RAPGEF2: variants seen among roughly 807,000 people sequenced by gnomAD.
RAPGEF2 encodes PDZ domain containing guanine nucleotide exchange factor (GEF) 1.
In RAPGEF2, 54 loss-of-function variants were observed where a neutral mutation model predicts 186.7. The ratio of observed to expected loss-of-function variants is 0.29; its 90% CI spans 0.23 to 0.36. The LOEUF is 0.36. RAPGEF2 is among the 10% of genes least tolerant of loss of function. The pLI is 1.00. For missense variants in RAPGEF2, 1,532 were observed against 2,045.0 expected (o/e 0.75, Z 4.84); for synonymous variants, 712 against 705.9 (o/e 1.01, Z -0.14).
chr4:159,179,306 T>C (rs1746780367), intron 1 of RAPGEF2, among the ~76,000 whole-genome samples: 1 of 149,846 alleles, frequency 6.7e-6, no homozygotes. Flanking sequence ...TTGTGTGTCA[T>C]AGTTTTTTGA....
At chr4:159,104,428 G>A (rs1227126577) in intron 1 of RAPGEF2, among the ~76,000 whole-genome samples, 197 bp downstream of exon 1, 1 of 148,002 alleles carries the variant, frequency 6.8e-6, no homozygotes. Context: ...CCCTCTCCTT[G>A]ACATTCTGCT....
chr4:159,103,110 A>C lies in RAPGEF2; in HGVS notation c.-1053A>C, dbSNP rs1292369691. The C allele has an allele frequency of 6.6e-6, 1 of 152,518 alleles. No individual in the cohort carries two copies. Among genetic ancestry groups the C allele is most frequent in the Non-Finnish European group, 1.5e-5 (1 of 68,594 alleles). 9.4% of individuals were successfully genotyped at this position (152,518 alleles called of 1,614,324 possible). A position where few individuals can be genotyped will look rare whatever the true frequency, so the allele number is the denominator to read the frequency against. ...CGGCTCCGGCGGCCGGAGAAGGCGC[A>C]GGAGGAGGAAGAGGCGGAGGAAGAG... On this transcript the variant is annotated 5_prime_UTR_variant, in exon 1 of 30. Transcript: ENST00000691494.
At chr4:159,178,804 C>T (rs1746726558) in intron 1 of RAPGEF2, among the ~76,000 whole-genome samples, 1 of 152,088 alleles carries the variant, frequency 6.6e-6, no homozygotes, top group Non-Finnish European at 1.5e-5. Context: ...GGCAATTCAC[C>T]CGCCTCGGCT....
intron 11 of RAPGEF2, among the ~76,000 whole-genome samples, chr4:159,325,108 C>G (rs1443692338): frequency 2.0e-5 from 3 of 151,876 alleles, no homozygotes; most frequent in African/African-American, 7.3e-5. Flanking sequence ...ATGACCATGG[C>G]TATACATAAA....
At chr4:159,279,049 C>G (rs1759320216) in intron 7 of RAPGEF2, among the ~76,000 whole-genome samples, 1 of 152,148 alleles carries the variant, frequency 6.6e-6, no homozygotes, top group Non-Finnish European at 1.5e-5. Flanking sequence ...CAGCAACCTT[C>G]TTTTTACTAG....
intron 4 of RAPGEF2, among the ~76,000 whole-genome samples, chr4:159,234,733 A>G (rs1361417370): frequency 2.7e-5 from 4 of 150,060 alleles, no homozygotes; most frequent in Non-Finnish European, 5.9e-5. Flanking sequence ...AAGTGGGGGG[A>G]TTATAGGCAT....
intron 6 of RAPGEF2, among the ~76,000 whole-genome samples, chr4:159,243,449 T>C (rs912417148): frequency 2.6e-5 from 4 of 152,002 alleles, no homozygotes; most frequent in Non-Finnish European, 5.9e-5. Flanking sequence ...AATTATTCTT[T>C]ATTACCCCTA....
At chr4:159,170,409 TAAAC>T (rs1373701176) in intron 1 of RAPGEF2, among the ~76,000 whole-genome samples, 6 of 152,028 alleles carry the variant, frequency 3.9e-5, no homozygotes, top group African/African-American at 1.2e-4. Flanking sequence ...AAAAAACCAA[TAAAC>T]AAACAATACA....
rs774383970 is a variant in RAPGEF2, at chr4:159,134,640, C to T, written c.69+30409C>T. On this transcript the variant is annotated intron_variant, in intron 1 of 29. Transcript: ENST00000691494. ...TTCTGCATCCTCGTCAGCACTTACACGTGTCAGTTTTATTTTGTAAGTCAT... is the reference window on the plus strand; with the variant it reads ...TTCTGCATCCTCGTCAGCACTTACATGTGTCAGTTTTATTTTGTAAGTCAT... Among the ~76,000 whole-genome samples, 9 of 152,294 alleles carry T rather than the reference C, an allele frequency of 5.9e-5. No homozygotes were observed. In the South Asian group the frequency reaches 6.2e-4, roughly 11 times the overall value.
At chr4:159,151,639 G>A (rs1021335065) in intron 1 of RAPGEF2, among the ~76,000 whole-genome samples, 17 of 152,200 alleles carry the variant, frequency 1.1e-4, no homozygotes, top group Admixed American at 3.3e-4. Context: ...AAAAAGCAAA[G>A]TTGTGGTGGG....
At chr4:159,186,021 A>T (rs1292773546) in intron 1 of RAPGEF2, among the ~76,000 whole-genome samples, 2 of 152,102 alleles carry the variant, frequency 1.3e-5, no homozygotes, top group African/African-American at 4.8e-5. Flanking sequence ...AATGAATATA[A>T]ACAGGACTTT....
chr4:159,338,568 A>T, intron 18 of RAPGEF2, 100 bp downstream of exon 18: 2 of 1,210,962 alleles, frequency 1.7e-6, no homozygotes, highest in South Asian at 1.6e-5. Flanking sequence ...GGCATGGATT[A>T]TATCAGATGC....
At chr4:159,233,368 A>C (rs1752857597) in intron 4 of RAPGEF2, among the ~76,000 whole-genome samples, 1 of 152,042 alleles carries the variant, frequency 6.6e-6, no homozygotes, top group Non-Finnish European at 1.5e-5. Context: ...ATTCTTTTTC[A>C]TGTGAAATCC....
intron 7 of RAPGEF2, among the ~76,000 whole-genome samples, chr4:159,272,280 A>G (rs1758225100): frequency 6.6e-6 from 1 of 152,184 alleles, no homozygotes; most frequent in Non-Finnish European, 1.5e-5. Context: ...TAACTTAACC[A>G]TATTTTCTAA....
Position 159,329,840 on chromosome 4 carries a change from A to T in RAPGEF2, c.1150-18A>T. On this transcript the variant is annotated intron_variant, in intron 11 of 29. Transcript: ENST00000691494. ...GCAAGCACTTTATCATTAACATGTG[A>T]CTTATGTTTTATTCCAGTTTGTCTG... 1 of 1,603,388 alleles carries T rather than the reference A, an allele frequency of 6.2e-7. No individual in the cohort carries two copies. The highest frequency in any genetic ancestry group is 8.5e-7 in the Non-Finnish European group (1 of 1,174,164).
intron 7 of RAPGEF2, among the ~76,000 whole-genome samples, chr4:159,246,570 C>T (rs1036065803): frequency 1.3e-5 from 2 of 152,092 alleles, no homozygotes; most frequent in Non-Finnish European, 2.9e-5. Flanking sequence ...GTTGGTTTCT[C>T]CTTCAGTTAA....
intron 1 of RAPGEF2, among the ~76,000 whole-genome samples, chr4:159,166,425 G>C (rs1027067612): frequency 6.6e-6 from 1 of 152,222 alleles, no homozygotes; most frequent in African/African-American, 2.4e-5. Context: ...AGGGGTGAGT[G>C]CGTCTAGAGG....
At position 159,355,878 on chromosome 4, in the gene RAPGEF2, G is replaced by GCGGCCC; in HGVS notation, c.4678_4679insGGCCCC (p.Glu1559_Pro1560insArgPro). 1 of 1,515,848 alleles carries GCGGCCC rather than the reference G, an allele frequency of 6.6e-7. No individual in the cohort carries two copies. Among genetic ancestry groups the GCGGCCC allele is most frequent in the Non-Finnish European group, 8.9e-7 (1 of 1,117,984 alleles). The allele number at this position is 1,515,848 out of a possible 1,614,324, so 93.9% of individuals were successfully genotyped here. On this transcript the variant is annotated inframe_insertion, in exon 29 of 30. Coordinates refer to ENST00000691494, the MANE Select transcript of RAPGEF2 (RefSeq NM_001394067.2). Reference sequence around the variant, plus strand: ...CACGAAAGGAGGGCAGGTATCGAGAGCCCCCGCCCACCCCTCCCGGCTACA... The same window carrying GCGGCCC: ...CACGAAAGGAGGGCAGGTATCGAGAGCGGCCCCCCCCGCCCACCCCTCCCGGCTACA...
chr4:159,284,879 T>C (rs897834119), intron 7 of RAPGEF2, among the ~76,000 whole-genome samples: 1 of 152,010 alleles, frequency 6.6e-6, no homozygotes, highest in Admixed American at 6.6e-5. Flanking sequence ...TAGGGAGACT[T>C]TGTCTCTACA....
Sources: allele counts gnomAD v4.1 joint callset (sites outside exome capture counted in the v4.1 genomes callset), GRCh38; gene constraint gnomAD v4.1.1; transcripts MANE v1.5; gene names NCBI Gene and HGNC (gene_info 2026-07-23, HGNC 2026-07-21).